The following SF3B2 variants were observed in gnomAD, a reference collection of about 807,000 sequenced individuals.
SF3B2 encodes the protein splicing factor 3b subunit 2, also known as SAP 145.
SF3B2 carries 22 observed loss-of-function variants against 116.3 expected under a neutral mutation model. That is an observed-to-expected ratio of 0.19 (90% CI 0.14 to 0.27). SF3B2 has a LOEUF of 0.27. Among genes scored for constraint, SF3B2 ranks in the 10% least tolerant of loss-of-function variants. The pLI is 1.00. For missense variants in SF3B2, 767 were observed against 1,151.4 expected, an observed-to-expected ratio of 0.67 and a Z score of 4.83; for synonymous variants, 406 against 421.6, an observed-to-expected ratio of 0.96 and a Z score of 0.45.
At chr11:66,067,591 TG>T in intron 19 of SF3B2, 2 of 467,814 alleles carry the variant, frequency 4.3e-6, no homozygotes, top group South Asian at 3.1e-5. Context: ...ATTCTTCGGG[TG>T]GGAACTGTTG....
chr11:66,055,765 G>A (rs1280162372), intron 5 of SF3B2, 180 bp downstream of exon 5: 13 of 601,696 alleles, frequency 2.2e-5, no homozygotes, highest in Non-Finnish European at 3.5e-5. Context: ...TATGACCTGT[G>A]GCCTGCATGT....
rs1857039077 is a variant in SF3B2 at position 66,058,343 on chromosome 11, T to C, written c.904T>C (p.Ser302Pro). The change falls in exon 9 of 22, where the codon TCG becomes CCG. Residue 302 changes from serine (S) to proline (P), a missense_variant. Ser to Pro is a moderately conservative substitution (Grantham distance 74). This residue lies in a region of SF3B2 where 455 missense variants were observed against 537.5 expected (regional missense o/e 0.85). Transcript: ENST00000322535. ...EEEEMETDAR[S>P]SLGQSASETE... ...AGAGGAAATGGAAACAGATGCTCGC[T>C]CGTCCCTGGGCCAGTCAGCGTCAGA... 4 of 1,614,084 alleles carry C rather than the reference T, an allele frequency of 2.5e-6. No homozygotes were observed. The highest frequency in any genetic ancestry group is 2.5e-6 in the Non-Finnish European group (3 of 1,180,030).
chr11:66,052,936 C>T (rs1042090586), intron 2 of SF3B2, 91 bp from the exon 3 acceptor site: 66 of 1,374,360 alleles, frequency 4.8e-5, no homozygotes, highest in Non-Finnish European at 6.7e-5. Context: ...CAGACAGGCA[C>T]TGGGTACGTT....
Position 66,059,664 on chromosome 11 carries a change from GA to G in SF3B2, c.1401+73del. The G allele has an allele frequency of 6.3e-7, 1 of 1,593,736 alleles. No homozygotes were observed. Among genetic ancestry groups the G allele is most frequent in the Non-Finnish European group, 8.6e-7 (1 of 1,161,844 alleles). Reference sequence around the variant, plus strand: ...AGACCACCTGGGGAGCCAGGGAGGTGAAAAGGAGTTCTTTGAAGGAGGTGTG... The same window carrying G: ...AGACCACCTGGGGAGCCAGGGAGGTGAAAGGAGTTCTTTGAAGGAGGTGTG... On this transcript the variant is annotated intron_variant, in intron 12 of 21. Transcript: ENST00000322535. This position sits in a 1 kb window ranked among gnomAD's most constrained non-coding sequence, Gnocchi z 5.0.
At position 66,059,524 on chromosome 11, in the gene SF3B2, C is replaced by A. The variant is rs1397039213; in HGVS notation, c.1330C>A (p.Pro444Thr). The change falls in exon 12 of 22, where the codon CCA becomes ACA. Residue 444 changes from proline to threonine, a missense_variant. Pro to Thr is a conservative substitution (Grantham distance 38). Around this residue, in one of 4 missense-constraint regions of SF3B2, gnomAD observed 282 missense variants for 568.0 expected, o/e 0.50. Transcript: ENST00000322535. This position sits in a 1 kb window ranked among gnomAD's most constrained non-coding sequence, Gnocchi z 5.0. ...GATTGTTCTGTTCTAGGAAAAGAAG[C>A]CAGAAGCCCCCAAGCTGTCCAAGAA... ...DSSDDEQEKKPEAPKLSKKKL... is the reference protein window; with the variant it reads ...DSSDDEQEKKTEAPKLSKKKL... The A allele has an allele frequency of 2.5e-6, 4 of 1,613,878 alleles. No individual in the cohort carries two copies. The highest frequency in any genetic ancestry group is 3.4e-6 in the Non-Finnish European group (4 of 1,180,018).
rs1324700597 is a variant in SF3B2, at chr11:66,061,673, G to A, written c.1780-13G>A. The A allele has an allele frequency of 6.2e-7, 1 of 1,606,184 alleles. No individual in the cohort carries two copies. The highest frequency in any genetic ancestry group is 1.7e-5 in the Admixed American group (1 of 60,016). ...CTGGGTCTACAATGTAGCATGCTCT[G>A]CTTTTCCCTCAGGGGAAGGAGTTCG... On this transcript the variant is annotated splice_polypyrimidine_tract_variant and intron_variant, in intron 14 of 21. Coordinates refer to ENST00000322535, the MANE Select transcript of SF3B2 (RefSeq NM_006842.3).
rs1305089583 is a variant in SF3B2, at chr11:66,058,951, C to T, written c.1088C>T (p.Pro363Leu). 6.2e-7 allele frequency: 1 copy of T among 1,614,182 alleles called. No homozygotes were observed. The highest frequency in any genetic ancestry group is 2.2e-5 in the East Asian group (1 of 44,884). Residue 363 changes from proline to leucine, a missense_variant, in exon 10 of 22, where the codon CCA (proline) becomes CTA (leucine). Pro to Leu is a moderately conservative substitution (Grantham distance 98, BLOSUM62 -3). Around this residue, in one of 4 missense-constraint regions of SF3B2, gnomAD observed 455 missense variants for 537.5 expected, o/e 0.85. Coordinates refer to ENST00000322535, the MANE Select transcript of SF3B2 (RefSeq NM_006842.3). ...DSTRSRGSDS[P>L]AADVEIEYVT... ...ACCCGGTCCCGTGGCTCTGATTCCCCAGCAGCTGATGTTGAGATTGAGTAT... is the reference window on the plus strand; with the variant it reads ...ACCCGGTCCCGTGGCTCTGATTCCCTAGCAGCTGATGTTGAGATTGAGTAT...
rs1856917674 is a variant in SF3B2 at position 66,053,113 on chromosome 11, A to T, written c.258+9A>T. 1 of 1,612,570 alleles carries T rather than the reference A, an allele frequency of 6.2e-7. No homozygotes were observed. Among genetic ancestry groups the T allele is most frequent in the Admixed American group, 1.7e-5 (1 of 59,952 alleles). ...CTCCCATGTCGGCACAGGTAGGGAG[A>T]TTCTTCTGTTTTTTAAGATTCCATC... On this transcript the variant is annotated intron_variant, in intron 3 of 21. Transcript: ENST00000322535.
intron 13 of SF3B2, among the ~76,000 whole-genome samples, 181 bp from the exon 14 acceptor site, chr11:66,060,401 A>G (rs984282766): frequency 6.6e-6 from 1 of 152,194 alleles, no homozygotes; most frequent in Non-Finnish European, 1.5e-5. Context: ...CTGATATTGT[A>G]TAGTCTGTTT....
chr11:66,058,637 G>T, intron 9 of SF3B2, 193 bp from the exon 10 acceptor site: 1 of 636,882 alleles, frequency 1.6e-6, no homozygotes. Flanking sequence ...TTTACCCAAA[G>T]GCATACAGCT....
chr11:66,067,362 C>T (rs183904817), intron 19 of SF3B2: 12 of 455,460 alleles, frequency 2.6e-5, no homozygotes, highest in African/African-American at 1.2e-4. Context: ...ACCCGACATC[C>T]GTTTTAAGGT....
rs1857126538 is a variant in SF3B2, at chr11:66,063,250, G to A, written c.2085+134G>A. The A allele has an allele frequency of 5.0e-6, 5 of 1,000,970 alleles. No homozygotes were observed. The Admixed American group carries it at 7.8e-5, about 16-fold the overall frequency. 62.0% of individuals were successfully genotyped at this position (1,000,970 alleles called of 1,614,324 possible). On this transcript the variant is annotated intron_variant, in intron 17 of 21. Transcript: ENST00000322535. ...TGGAAAAGGGCATACATTTTCCTGA[G>A]ATGTTAATGTAAGCTCCTCACTAGA... is the stretch of plus-strand genomic sequence containing the variant.
At chr11:66,055,017 A>G (rs1856965928) in intron 3 of SF3B2, 59 bp from the exon 4 acceptor site, 2 of 1,477,524 alleles carry the variant, frequency 1.4e-6, no homozygotes, top group Non-Finnish European at 1.8e-6. Flanking sequence ...GATCCCCCAG[A>G]TATTTGCAGA....
chr11:66,068,823 T>G lies in SF3B2; in HGVS notation c.*78T>G. On this transcript the variant is annotated 3_prime_UTR_variant, in exon 22 of 22. Coordinates refer to ENST00000322535, the MANE Select transcript of SF3B2 (RefSeq NM_006842.3). ...ACACAAGAACCACCTCTCCCGCAGT[T>G]CCCAAGGACTTGTCATTTCATGTTC... 5.5e-6 allele frequency: 6 copies of G among 1,094,510 alleles called. No individual in the cohort carries two copies. The highest frequency in any genetic ancestry group is 8.3e-6 in the Non-Finnish European group (6 of 725,608). 67.8% of individuals were successfully genotyped at this position (1,094,510 alleles called of 1,614,324 possible). A position where few individuals can be genotyped will look rare whatever the true frequency, so the allele number is the denominator to read the frequency against.
chr11:66,053,313 A>T, intron 3 of SF3B2: 1 of 586,138 alleles, frequency 1.7e-6, no homozygotes, highest in East Asian at 2.9e-5. Flanking sequence ...TACTGCCATG[A>T]CAGAATTGTG....
At position 66,059,073 on chromosome 11, in the gene SF3B2, C is replaced by T. The variant is rs185485763; in HGVS notation, c.1182+28C>T. 39 of 1,607,976 alleles carry T rather than the reference C, an allele frequency of 2.4e-5. No homozygotes were observed. In the African/African-American group the frequency reaches 4.9e-4, roughly 20 times the overall value. ...ACAAGGAGAGCACACTAGGAAGGGG[C>T]AGTGCCAAACAGGGAAGGGGCTCAG... is the stretch of plus-strand genomic sequence containing the variant. On this transcript the variant is annotated intron_variant, in intron 10 of 21. Transcript: ENST00000322535. The surrounding 1 kb of genome is among the most constrained non-coding windows in gnomAD (Gnocchi z 5.0).
Position 66,058,719 on chromosome 11 carries a change from GA to G in SF3B2, c.967-107del, listed in dbSNP as rs907476003. On this transcript the variant is annotated intron_variant, in intron 9 of 21. Coordinates refer to ENST00000322535, the MANE Select transcript of SF3B2 (RefSeq NM_006842.3). ...CTACTTCATGAGATGGCCTCCTTGG[GA>G]AAAGCCTGACTGTTGAACTGTGGGG... The G allele has an allele frequency of 1.1e-5, 11 of 967,868 alleles. No homozygotes were observed. In the African/African-American group the frequency reaches 1.5e-4, roughly 13 times the overall value. 60.0% of individuals were successfully genotyped at this position (967,868 alleles called of 1,614,324 possible).
intron 3 of SF3B2, chr11:66,054,013 C>G (rs1347428179): frequency 6.6e-6 from 1 of 150,500 alleles, no homozygotes; most frequent in Admixed American, 6.6e-5. Flanking sequence ...GCGAAACTCT[C>G]TCTACTAAAA....
Position 66,068,048 on chromosome 11 carries a change from G to A in SF3B2, c.2430+3G>A, listed in dbSNP as rs1857218150. 6.2e-7 allele frequency: 1 copy of A among 1,613,672 alleles called. No individual in the cohort carries two copies. The highest frequency in any genetic ancestry group is 1.7e-5 in the Admixed American group (1 of 59,938). ...CCCACATTTATGACATGTCCACGGT[G>A]AGTACTTGGAGGATACTGCTTTTGG... On this transcript the variant is annotated splice_donor_region_variant and intron_variant, in intron 20 of 21. Coordinates refer to ENST00000322535, the MANE Select transcript of SF3B2 (RefSeq NM_006842.3).
Sources: gnomAD v4.1 joint callset for allele counts (sites outside exome capture counted in the v4.1 genomes callset) on GRCh38, gnomAD v4.1.1 for gene constraint, gnomAD v4.1.1 regional missense constraint, Gnocchi (gnomAD v3.1) non-coding constraint, MANE v1.5 for transcripts, NCBI Gene and HGNC (gene_info 2026-07-23, HGNC 2026-07-21) for gene names.